GOLPH3L: variants seen among roughly 807,000 people sequenced by gnomAD.
GOLPH3L encodes the protein Golgi phosphoprotein 3-like.
GOLPH3L carries 22 observed loss-of-function variants against 30.3 expected under a neutral mutation model. That is an observed-to-expected ratio of 0.73 (90% CI 0.52 to 1.04). The LOEUF is 1.04. Among genes scored for constraint, GOLPH3L ranks in the 50% least tolerant of loss-of-function variants. The probability of loss-of-function intolerance (pLI) is 0.00; values close to 1 mark genes in which losing one functional copy is unlikely to be tolerated. For synonymous variants in GOLPH3L, 120 were observed against 128.2 expected, an observed-to-expected ratio of 0.94 and a Z score of 0.43; for missense variants, 303 against 345.8, an observed-to-expected ratio of 0.88 and a Z score of 0.98.
chr1:150,665,485 C>T (rs1011175958), intron 2 of GOLPH3L, among the ~76,000 whole-genome samples: 4 of 151,968 alleles, frequency 2.6e-5, no homozygotes, highest in African/African-American at 9.7e-5. Context: ...AGACACTGCA[C>T]CTAGCTATAA....
At chr1:150,652,737 A>AGG (rs1557779532) in intron 4 of GOLPH3L, among the ~76,000 whole-genome samples, 1 of 152,178 alleles carries the variant, frequency 6.6e-6, no homozygotes, top group Admixed American at 6.6e-5. Context: ...TTAACTTTTT[A>AGG]AACTTTTGCG....
At chr1:150,691,057 G>A (rs1651198636) in intron 2 of GOLPH3L, among the ~76,000 whole-genome samples, 1 of 152,146 alleles carries the variant, frequency 6.6e-6, no homozygotes. Flanking sequence ...ACTTTGGGAG[G>A]CCAAGGCAGG....
At chr1:150,654,848 C>G (rs1650207532) in intron 4 of GOLPH3L, among the ~76,000 whole-genome samples, 1 of 152,142 alleles carries the variant, frequency 6.6e-6, no homozygotes, top group Non-Finnish European at 1.5e-5. Flanking sequence ...GTCTGTGGAC[C>G]CTTGCCAGCG....
At chr1:150,680,172 T>A (rs1314607262) in intron 2 of GOLPH3L, among the ~76,000 whole-genome samples, 1 of 152,158 alleles carries the variant, frequency 6.6e-6, no homozygotes, top group Non-Finnish European at 1.5e-5. Flanking sequence ...GAGGTATCAA[T>A]GGCAAAGAGT....
chr1:150,688,307 T>G (rs1278592435), intron 2 of GOLPH3L, among the ~76,000 whole-genome samples: 1 of 152,228 alleles, frequency 6.6e-6, no homozygotes, highest in Non-Finnish European at 1.5e-5. Flanking sequence ...TTTAAAACAC[T>G]GGAGTTCATT....
At chr1:150,660,064 A>G (rs1006862342) in intron 4 of GOLPH3L, among the ~76,000 whole-genome samples, 1 of 152,066 alleles carries the variant, frequency 6.6e-6, no homozygotes, top group South Asian at 2.1e-4. Context: ...CTCAACAACA[A>G]CAAAACAATC....
intron 2 of GOLPH3L, among the ~76,000 whole-genome samples, chr1:150,682,820 A>G (rs1041776980): frequency 5.3e-5 from 8 of 152,152 alleles, no homozygotes; most frequent in Non-Finnish European, 1.2e-4. Context: ...CCTTTGATTC[A>G]GTATTTTTTT....
chr1:150,667,655 G>A (rs587752222), intron 2 of GOLPH3L, among the ~76,000 whole-genome samples: 67 of 147,570 alleles, frequency 4.5e-4, no homozygotes, highest in African/African-American at 1.6e-3. Flanking sequence ...GTGCAGTGGC[G>A]CAATCTCGGC....
chr1:150,674,571 T>C (rs1176709853), intron 2 of GOLPH3L, among the ~76,000 whole-genome samples: 1 of 151,962 alleles, frequency 6.6e-6, no homozygotes, highest in Non-Finnish European at 1.5e-5. Flanking sequence ...CCTTTTTCTT[T>C]TTTTTAAAGA....
intron 3 of GOLPH3L, among the ~76,000 whole-genome samples, 170 bp from the exon 4 acceptor site, chr1:150,662,098 A>G (rs1040495819): frequency 2.0e-5 from 3 of 152,232 alleles, no homozygotes; most frequent in Non-Finnish European, 4.4e-5. Context: ...GTGATAGTGC[A>G]AAGACAAAAA....
intron 2 of GOLPH3L, among the ~76,000 whole-genome samples, chr1:150,681,309 C>A (rs1225761040): frequency 6.6e-6 from 1 of 152,032 alleles, no homozygotes; most frequent in Non-Finnish European, 1.5e-5. Context: ...GTGTCTGATT[C>A]CAAAGCCTGC....
chr1:150,659,771 G>A (rs587695323), intron 4 of GOLPH3L, among the ~76,000 whole-genome samples: 2 of 152,190 alleles, frequency 1.3e-5, no homozygotes, highest in East Asian at 1.9e-4. Flanking sequence ...AGTGGCTCAT[G>A]CCTGTAATCC....
At chr1:150,695,630 A>C (rs1651334603) in intron 1 of GOLPH3L, among the ~76,000 whole-genome samples, 1 of 152,212 alleles carries the variant, frequency 6.6e-6, no homozygotes, top group Admixed American at 6.5e-5. Flanking sequence ...TTATAAAAAA[A>C]CACAAAAAAT....
chr1:150,694,135 A>G, intron 2 of GOLPH3L: 1 of 447,346 alleles, frequency 2.2e-6, no homozygotes, highest in Admixed American at 2.5e-5. Flanking sequence ...CTGGGATTAC[A>G]GGCGTGAGCC....
chr1:150,688,538 G>C (rs755888930), intron 2 of GOLPH3L, among the ~76,000 whole-genome samples: 36 of 152,226 alleles, frequency 2.4e-4, no homozygotes, highest in Non-Finnish European at 4.7e-4. Flanking sequence ...GATCACCTGA[G>C]GTCAGGAATT....
chr1:150,675,937 A>T (rs1295441830), intron 2 of GOLPH3L, among the ~76,000 whole-genome samples: 1 of 151,586 alleles, frequency 6.6e-6, no homozygotes, highest in Non-Finnish European at 1.5e-5. Context: ...ATTTTTTTTT[A>T]ACATTTTTGA....
At chr1:150,685,645 G>T (rs1651065830) in intron 2 of GOLPH3L, among the ~76,000 whole-genome samples, 1 of 152,044 alleles carries the variant, frequency 6.6e-6, no homozygotes, top group Non-Finnish European at 1.5e-5. Flanking sequence ...AACCCACGAG[G>T]TGGAGGTTGC....
Position 150,682,179 on chromosome 1 carries a change from G to A in GOLPH3L, c.183+12477C>T, listed in dbSNP as rs1427044735. On this transcript the variant is annotated intron_variant, in intron 2 of 4. Coordinates refer to ENST00000271732, the MANE Select transcript of GOLPH3L (RefSeq NM_018178.6). ...TCTTTGGGAAGCAAGATTATAGGTG[G>A]TTTTTATTTTCTTCTTTACACCTTT... Among the ~76,000 whole-genome samples the A allele has an allele frequency of 2.0e-5, 3 of 152,016 alleles. No homozygotes were observed. The East Asian group carries it at 5.8e-4, about 29-fold the overall frequency.
intron 2 of GOLPH3L, among the ~76,000 whole-genome samples, chr1:150,693,791 T>TTATG (rs1235914390): frequency 1.0e-5 from 1 of 99,664 alleles, no homozygotes; most frequent in Non-Finnish European, 2.0e-5. Context: ...CCTCAATTGT[T>TTATG]TATGTATGTG....
Sources: allele counts gnomAD v4.1 joint callset (sites outside exome capture counted in the v4.1 genomes callset), GRCh38; gene constraint gnomAD v4.1.1; transcripts MANE v1.5; gene names NCBI Gene and HGNC (gene_info 2026-07-23, HGNC 2026-07-21).